Variants in TNRC6B observed in about 807,000 individuals in gnomAD.
TNRC6B encodes the protein trinucleotide repeat containing adaptor 6B, also known as trinucleotide repeat-containing gene 6B protein.
A neutral mutation model predicts 203.6 loss-of-function variants in TNRC6B; 52 were observed. That is an observed-to-expected ratio of 0.26 (90% CI 0.20 to 0.32). TNRC6B has a LOEUF of 0.32. Among genes scored for constraint, TNRC6B ranks in the 10% least tolerant of loss-of-function variants. The pLI is 1.00. For synonymous variants in TNRC6B, 838 were observed against 845.7 expected (o/e 0.99, Z 0.16); for missense variants, 1,923 against 2,286.2 (o/e 0.84, Z 3.24).
At chr22:40,317,455 G>A (rs536605437) in intron 21 of TNRC6B, among the ~76,000 whole-genome samples, 13 of 152,316 alleles carry the variant, frequency 8.5e-5, no homozygotes, top group African/African-American at 3.1e-4. Flanking sequence ...GCACACGCCT[G>A]TAGTCCCAGC....
At chr22:40,232,879 C>T (rs751102698) in intron 1 of TNRC6B, among the ~76,000 whole-genome samples, 3 of 152,034 alleles carry the variant, frequency 2.0e-5, no homozygotes, top group African/African-American at 2.4e-5. Context: ...TGGCTGGGCG[C>T]GATGGCTCAC....
intron 1 of TNRC6B, among the ~76,000 whole-genome samples, chr22:40,081,058 A>G (rs2068060100): frequency 1.3e-5 from 2 of 151,374 alleles, no homozygotes; most frequent in African/African-American, 4.9e-5. Flanking sequence ...GGTGCGTTTC[A>G]CCATGTTGGC....
Position 40,331,858 on chromosome 22 carries a change from A to G in TNRC6B, c.*8617A>G. On this transcript the variant is annotated 3_prime_UTR_variant, in exon 23 of 23. Coordinates refer to ENST00000454349, the MANE Select transcript of TNRC6B (RefSeq NM_001162501.2). Reference sequence around the variant, plus strand: ...TCCTGGAGGGGAAGGGGAGTGAGAGACGAATGTGGTAAGGTCAGCACAGTG... The same window carrying G: ...TCCTGGAGGGGAAGGGGAGTGAGAGGCGAATGTGGTAAGGTCAGCACAGTG... 2.8e-6 allele frequency: 1 copy of G among 353,474 alleles called. No homozygotes were observed. The highest frequency in any genetic ancestry group is 5.1e-6 in the Non-Finnish European group (1 of 195,886). 21.9% of individuals were successfully genotyped at this position (353,474 alleles called of 1,614,324 possible).
chr22:40,142,973 G>A (rs564761111), intron 3 of TNRC6B, among the ~76,000 whole-genome samples: 1 of 152,352 alleles, frequency 6.6e-6, no homozygotes, highest in African/African-American at 2.4e-5. Context: ...AAACGTTGAA[G>A]CCTTTGGATG....
intron 22 of TNRC6B, among the ~76,000 whole-genome samples, chr22:40,322,423 G>A (rs2071346103): frequency 6.6e-6 from 1 of 152,114 alleles, no homozygotes; most frequent in Admixed American, 6.5e-5. Context: ...TATGGTTTTG[G>A]ACAAATGTAT....
intron 1 of TNRC6B, among the ~76,000 whole-genome samples, chr22:40,203,819 G>A (rs1483934595): frequency 2.0e-5 from 3 of 152,230 alleles, no homozygotes; most frequent in African/African-American, 7.2e-5. Context: ...TAAGGGTTCG[G>A]TGATGTAGAA....
intron 1 of TNRC6B, among the ~76,000 whole-genome samples, chr22:40,186,195 AGAAC>A (rs1438501378): frequency 6.6e-6 from 1 of 152,186 alleles, no homozygotes; most frequent in Non-Finnish European, 1.5e-5. Context: ...AAGGATAAAA[AGAAC>A]GGTGGCTCTG....
Position 40,281,297 on chromosome 22 carries a change from G to A in TNRC6B, c.3582+8G>A. Reference sequence around the variant, plus strand: ...AACTTCGCTGCTAGACAAGTAAGGAGGCCTCTCAAATTTATAACTGCTTGG... The same window carrying A: ...AACTTCGCTGCTAGACAAGTAAGGAAGCCTCTCAAATTTATAACTGCTTGG... On this transcript the variant is annotated splice_region_variant and intron_variant, in intron 11 of 22. Transcript: ENST00000454349. 1 of 1,535,390 alleles carries A rather than the reference G, an allele frequency of 6.5e-7. No homozygotes were observed. The highest frequency in any genetic ancestry group is 8.8e-7 in the Non-Finnish European group (1 of 1,139,086).
Position 40,334,843 on chromosome 22 carries a change from A to C in TNRC6B, c.*11602A>C, listed in dbSNP as rs555511482. On this transcript the variant is annotated 3_prime_UTR_variant, in exon 23 of 23. Transcript: ENST00000454349. ...GCCCCCTTTAGACAGAAGGTGCAGA[A>C]AAGGGCATCAAAAAGAGGCTGGATT... is the stretch of plus-strand genomic sequence containing the variant. 6.5e-6 allele frequency: 1 copy of C among 152,678 alleles called. No homozygotes were observed. The highest frequency in any genetic ancestry group is 1.9e-4 in the East Asian group (1 of 5,178). 9.5% of individuals were successfully genotyped at this position (152,678 alleles called of 1,614,324 possible).
At chr22:40,090,105 C>G (rs1037958830) in intron 1 of TNRC6B, among the ~76,000 whole-genome samples, 1 of 152,090 alleles carries the variant, frequency 6.6e-6, no homozygotes, top group Admixed American at 6.6e-5. Context: ...TAGTTGCTTC[C>G]AAGTTTCAGT....
In TNRC6B at chr22:40,266,566, A is replaced by C; in HGVS notation, c.2336A>C (p.Glu779Ala). Reference sequence around the variant, plus strand: ...GGGTGGGGTGAAGGAGGGCAGAATGAAATCGGGACTTGGGGTAATGGTGGC... The same window carrying C: ...GGGTGGGGTGAAGGAGGGCAGAATGCAATCGGGACTTGGGGTAATGGTGGC... ...VSGWGEGGQN[E>A]IGTWGNGGNA... is the part of the protein sequence containing the mutation. Residue 779 changes from glutamate (E) to alanine (A), a missense_variant, in exon 5 of 23, where the codon GAA becomes GCA. Coordinates refer to ENST00000454349, the MANE Select transcript of TNRC6B (RefSeq NM_001162501.2). The C allele has an allele frequency of 6.2e-7, 1 of 1,613,624 alleles. No homozygotes were observed. Among genetic ancestry groups the C allele is most frequent in the Non-Finnish European group, 8.5e-7 (1 of 1,179,700 alleles).
intron 16 of TNRC6B, 79 bp from the exon 17 acceptor site, chr22:40,310,738 G>T: frequency 7.1e-7 from 1 of 1,400,154 alleles, no homozygotes; most frequent in Non-Finnish European, 9.6e-7. Context: ...AAGACTGTTT[G>T]CATTCCAGCG....
intron 1 of TNRC6B, among the ~76,000 whole-genome samples, chr22:40,096,873 T>C (rs1208531149): frequency 1.3e-5 from 2 of 152,236 alleles, no homozygotes; most frequent in Admixed American, 1.3e-4. Context: ...TTTGTCAACA[T>C]TGTTCTGAAA....
At chr22:40,309,379 A>G (rs968778843) in intron 16 of TNRC6B, among the ~76,000 whole-genome samples, 1 of 152,222 alleles carries the variant, frequency 6.6e-6, no homozygotes, top group Non-Finnish European at 1.5e-5. Flanking sequence ...GGCAGGCCCC[A>G]GCCCCAGCCA....
chr22:40,202,313 A>G (rs1338511735), intron 1 of TNRC6B, among the ~76,000 whole-genome samples: 1 of 147,214 alleles, frequency 6.8e-6, no homozygotes, highest in African/African-American at 2.5e-5. Flanking sequence ...CCAACTTTCT[A>G]TATGAGTTTT....
chr22:40,129,880 G>C (rs984674087), intron 3 of TNRC6B, among the ~76,000 whole-genome samples: 1 of 152,102 alleles, frequency 6.6e-6, no homozygotes, highest in Non-Finnish European at 1.5e-5. Flanking sequence ...GAGTTTATTT[G>C]TATTTACTTT....
Position 40,329,156 on chromosome 22 carries a change from GTCT to G in TNRC6B, c.*5918_*5920del, listed in dbSNP as rs1203242987. 1 of 152,238 alleles carries G rather than the reference GTCT, an allele frequency of 6.6e-6. No individual in the cohort carries two copies. The highest frequency in any genetic ancestry group is 2.4e-5 in the African/African-American group (1 of 41,460). 9.4% of individuals were successfully genotyped at this position (152,238 alleles called of 1,614,324 possible). On this transcript the variant is annotated 3_prime_UTR_variant, in exon 23 of 23. Coordinates refer to ENST00000454349, the MANE Select transcript of TNRC6B (RefSeq NM_001162501.2). ...TCTGTGTGTATACAATGAATTGTCA[GTCT>G]TCAGACCTCATGGTCGTTAAGAAAA...
At chr22:40,311,624 C>T (rs2071183759) in intron 17 of TNRC6B, among the ~76,000 whole-genome samples, 1 of 151,868 alleles carries the variant, frequency 6.6e-6, no homozygotes, top group South Asian at 2.1e-4. Flanking sequence ...TCACTGCAAG[C>T]TCTGCCTCCC....
intron 3 of TNRC6B, among the ~76,000 whole-genome samples, chr22:40,142,693 T>A (rs551651296): frequency 2.0e-5 from 3 of 152,208 alleles, no homozygotes; most frequent in Non-Finnish European, 4.4e-5. Flanking sequence ...CAAGAAGTGT[T>A]TCTTTTTTTC....
Sources: allele counts gnomAD v4.1 joint callset (sites outside exome capture counted in the v4.1 genomes callset), GRCh38; gene constraint gnomAD v4.1.1; transcripts MANE v1.5; gene names NCBI Gene and HGNC (gene_info 2026-07-23, HGNC 2026-07-21).